Variants in EML4 observed in about 807,000 individuals in gnomAD.
The protein encoded by EML4 is echinoderm microtubule-associated protein-like 4.
In EML4, 72 loss-of-function variants were observed where a neutral mutation model predicts 129.0. The observed-to-expected ratio is 0.56, with a 90% CI of 0.46 to 0.68. The LOEUF is 0.68. Among genes scored for constraint, EML4 ranks in the 30% least tolerant of loss-of-function variants. The pLI, the probability that EML4 is intolerant of heterozygous loss-of-function variation, is 0.00. For synonymous variants in EML4, 532 were observed against 405.0 expected (o/e 1.31, Z -3.77); for missense variants, 1,363 against 1,190.6 (o/e 1.14, Z -2.13).
intron 7 of EML4, among the ~76,000 whole-genome samples, chr2:42,281,685 T>G (rs1667019655): frequency 6.6e-6 from 1 of 152,224 alleles, no homozygotes; most frequent in Non-Finnish European, 1.5e-5. Context: ...AGTTAAGCAT[T>G]TTGTAACCTC....
chr2:42,299,329 A>C (rs1668142752), intron 13 of EML4, among the ~76,000 whole-genome samples: 1 of 152,224 alleles, frequency 6.6e-6, no homozygotes, highest in African/African-American at 2.4e-5. Context: ...TAAGTATAAT[A>C]GCAGCTCAAA....
At chr2:42,185,566 C>T (rs895422009) in intron 1 of EML4, among the ~76,000 whole-genome samples, 1 of 152,168 alleles carries the variant, frequency 6.6e-6, no homozygotes, top group African/African-American at 2.4e-5. Context: ...TTTAACTATA[C>T]TCTCCTGAAC....
chr2:42,256,202 A>G (rs1375134657), intron 2 of EML4, among the ~76,000 whole-genome samples: 2 of 152,184 alleles, frequency 1.3e-5, no homozygotes, highest in African/African-American at 4.8e-5. Context: ...ACACATTTGA[A>G]TCATGTGTTA....
intron 1 of EML4, among the ~76,000 whole-genome samples, chr2:42,177,495 C>T (rs1452272467): frequency 6.6e-6 from 1 of 151,936 alleles, no homozygotes; most frequent in Non-Finnish European, 1.5e-5. Flanking sequence ...TGGTGGTGCA[C>T]GCCTGTGGTC....
intron 1 of EML4, among the ~76,000 whole-genome samples, chr2:42,182,784 G>T (rs565077656): frequency 1.3e-5 from 2 of 152,260 alleles, no homozygotes; most frequent in Admixed American, 1.3e-4. Context: ...AGTTCTGGAA[G>T]CTAGAGGTCA....
intron 8 of EML4, among the ~76,000 whole-genome samples, chr2:42,283,737 A>G (rs9636430): frequency 0.25 from 38,157 of 152,118 alleles, 5,765 homozygotes; most frequent in East Asian, 0.56. Context: ...TAATGTATGT[A>G]CAAAACTATT....
At chr2:42,271,122 G>C (rs986521697) in intron 6 of EML4, among the ~76,000 whole-genome samples, 1 of 152,100 alleles carries the variant, frequency 6.6e-6, no homozygotes. Flanking sequence ...TTGAACTCCT[G>C]GGCTCAAGTG....
At chr2:42,229,051 T>A (rs931196746) in intron 1 of EML4, among the ~76,000 whole-genome samples, 3 of 152,146 alleles carry the variant, frequency 2.0e-5, no homozygotes, top group African/African-American at 7.2e-5. Context: ...AGAAACTAAG[T>A]TTTAGTAAAA....
chr2:42,205,854 A>G (rs1161434268), intron 1 of EML4, among the ~76,000 whole-genome samples: 1 of 152,170 alleles, frequency 6.6e-6, no homozygotes, highest in East Asian at 1.9e-4. Context: ...CTATGTAGTC[A>G]GTTTCCATTA....
intron 1 of EML4, among the ~76,000 whole-genome samples, chr2:42,245,089 T>TCTTC (rs1458608710): frequency 2.2e-5 from 2 of 90,674 alleles, no homozygotes; most frequent in African/African-American, 8.3e-5. Flanking sequence ...TTTGAAATTT[T>TCTTC]CTTTCTTTTT....
At chr2:42,199,140 G>A (rs768571732) in intron 1 of EML4, among the ~76,000 whole-genome samples, 1 of 152,172 alleles carries the variant, frequency 6.6e-6, no homozygotes, top group African/African-American at 2.4e-5. Context: ...ATGGGGAATA[G>A]GAGTGAAAGA....
intron 19 of EML4, among the ~76,000 whole-genome samples, chr2:42,320,924 C>CT (rs947588517): frequency 5.9e-5 from 9 of 152,058 alleles, no homozygotes; most frequent in African/African-American, 2.4e-5. Context: ...AGTAAGTTTG[C>CT]TTTTTTGCCA....
In EML4 at chr2:42,295,275, T is replaced by C; in HGVS notation, c.1353+16T>C. Reference sequence around the variant, plus strand: ...AATTTTTGGGGTAAGAATCAGATTGTTTTAATGTCATTAGGTGTATAAGAC... The same window carrying C: ...AATTTTTGGGGTAAGAATCAGATTGCTTTAATGTCATTAGGTGTATAAGAC... On this transcript the variant is annotated intron_variant, in intron 12 of 22. Transcript: ENST00000318522. 6.2e-7 allele frequency: 1 copy of C among 1,612,144 alleles called. No homozygotes were observed. The highest frequency in any genetic ancestry group is 8.5e-7 in the Non-Finnish European group (1 of 1,179,330).
At position 42,330,375 on chromosome 2, in the gene EML4, C is replaced by G; in HGVS notation, c.*168C>G. ...TTTTCAGTCTCTCAAATACAGCCAACTTAAAGTTTTAGTTTGGTGTTTATT... is the reference window on the plus strand; with the variant it reads ...TTTTCAGTCTCTCAAATACAGCCAAGTTAAAGTTTTAGTTTGGTGTTTATT... On this transcript the variant is annotated 3_prime_UTR_variant, in exon 23 of 23. Coordinates refer to ENST00000318522, the MANE Select transcript of EML4 (RefSeq NM_019063.5). 1 of 711,514 alleles carries G rather than the reference C, an allele frequency of 1.4e-6. No homozygotes were observed. Among genetic ancestry groups the G allele is most frequent in the Non-Finnish European group, 2.5e-6 (1 of 399,618 alleles). The allele number at this position is 711,514 out of a possible 1,614,324, so 44.1% of individuals were successfully genotyped here. A position where few individuals can be genotyped will look rare whatever the true frequency, so the allele number is the denominator to read the frequency against.
Position 42,316,055 on chromosome 2 carries a change from G to T in EML4, c.2056+5G>T. The T allele has an allele frequency of 6.2e-7, 1 of 1,603,160 alleles. No homozygotes were observed. Among genetic ancestry groups the T allele is most frequent in the Non-Finnish European group, 8.5e-7 (1 of 1,170,822 alleles). On this transcript the variant is annotated splice_donor_5th_base_variant and intron_variant, in intron 18 of 22. Transcript: ENST00000318522. Reference sequence around the variant, plus strand: ...CTGTGATGCGCTACTCAATAGGTAGGCAAATTTACTCCCACCTCCCAAGCA... The same window carrying T: ...CTGTGATGCGCTACTCAATAGGTAGTCAAATTTACTCCCACCTCCCAAGCA...
intron 6 of EML4, among the ~76,000 whole-genome samples, chr2:42,278,948 AT>A (rs1325754604): frequency 1.3e-5 from 2 of 151,366 alleles, no homozygotes; most frequent in East Asian, 1.9e-4. Context: ...AAAAAAAAAA[AT>A]GTATTGATTT....
chr2:42,266,769 T>C (rs565708082), intron 6 of EML4, among the ~76,000 whole-genome samples: 2 of 152,246 alleles, frequency 1.3e-5, no homozygotes, highest in African/African-American at 4.8e-5. Flanking sequence ...TGACCTAGGC[T>C]GAATGACAAT....
At chr2:42,192,560 A>G (rs766227971) in intron 1 of EML4, among the ~76,000 whole-genome samples, 4 of 151,978 alleles carry the variant, frequency 2.6e-5, no homozygotes, top group Admixed American at 6.6e-5. Flanking sequence ...TTTTTAAAAG[A>G]CCATATTCTG....
chr2:42,244,088 GTTTTTGT>G (rs1190173947), intron 1 of EML4, among the ~76,000 whole-genome samples: 2 of 62,998 alleles, frequency 3.2e-5, no homozygotes, highest in East Asian at 2.2e-3. Context: ...TTTGTTTTTT[GTTTTTGT>G]TTTTTGTTTT....
Sources: allele counts gnomAD v4.1 joint callset (sites outside exome capture counted in the v4.1 genomes callset), GRCh38; gene constraint gnomAD v4.1.1; transcripts MANE v1.5; gene names NCBI Gene and HGNC (gene_info 2026-07-23, HGNC 2026-07-21).